The following COL23A1 variants were observed in gnomAD, a reference collection of about 807,000 sequenced individuals.
The protein encoded by COL23A1 is collagen alpha-1(XXIII) chain.
In COL23A1, 97 loss-of-function variants were observed where a neutral mutation model predicts 99.3. The ratio of observed to expected loss-of-function variants is 0.98; its 90% CI spans 0.83 to 1.16. The LOEUF is 1.16. COL23A1 is among the 50% of genes most tolerant of loss of function. The pLI is 0.00. For missense variants in COL23A1, 762 were observed against 757.4 expected (o/e 1.01, Z -0.07); for synonymous variants, 320 against 308.2 (o/e 1.04, Z -0.40).
chr5:178,472,956 C>A (rs773831274), intron 2 of COL23A1, among the ~76,000 whole-genome samples: 1 of 152,112 alleles, frequency 6.6e-6, no homozygotes, highest in Non-Finnish European at 1.5e-5. Context: ...GAGACTCTAT[C>A]TCTACAAAAA....
Position 178,237,704 on chromosome 5 carries a change from G to A in COL23A1, c.*994C>T, listed in dbSNP as rs1288608118. Reference sequence around the variant, plus strand: ...CAGCCAGGATGGAGCTGGTTGCTGGGAACACTTGCTGGAGGTGGAAAAGCC... The same window carrying A: ...CAGCCAGGATGGAGCTGGTTGCTGGAAACACTTGCTGGAGGTGGAAAAGCC... On this transcript the variant is annotated 3_prime_UTR_variant, in exon 29 of 29. Coordinates refer to ENST00000390654, the MANE Select transcript of COL23A1 (RefSeq NM_173465.4). 6.5e-6 allele frequency: 1 copy of A among 152,722 alleles called. No individual in the cohort carries two copies. Among genetic ancestry groups the A allele is most frequent in the African/African-American group, 2.4e-5 (1 of 41,476 alleles). The allele number at this position is 152,722 out of a possible 1,614,324, so 9.5% of individuals were successfully genotyped here.
intron 2 of COL23A1, among the ~76,000 whole-genome samples, chr5:178,488,440 T>C (rs1279640484): frequency 1.3e-5 from 2 of 152,136 alleles, no homozygotes; most frequent in African/African-American, 4.8e-5. Flanking sequence ...TTGTGGCACA[T>C]GAAGATTTCT....
At chr5:178,506,618 G>A (rs1758887895) in intron 2 of COL23A1, among the ~76,000 whole-genome samples, 1 of 152,192 alleles carries the variant, frequency 6.6e-6, no homozygotes, top group East Asian at 1.9e-4. Flanking sequence ...ATTATGTGTG[G>A]AATAAAGCAA....
chr5:178,394,557 C>A (rs374594899), intron 2 of COL23A1, among the ~76,000 whole-genome samples: 11 of 152,240 alleles, frequency 7.2e-5, no homozygotes, highest in African/African-American at 2.7e-4. Flanking sequence ...ATGGTGTTCA[C>A]AGCTAAACTG....
At position 178,306,874 on chromosome 5, in the gene COL23A1, C is replaced by A. The variant is rs940624377; in HGVS notation, c.406+1G>T. The A allele has an allele frequency of 1.3e-6, 2 of 1,534,510 alleles. No homozygotes were observed. Among genetic ancestry groups the A allele is most frequent in the Non-Finnish European group, 1.8e-6 (2 of 1,139,792 alleles). ...AGGAGCTGAGAAAACCTGGGACTCA[C>A]CAGGGTCGCCTCTTCTCCCAGGCTT... On this transcript the variant is annotated splice_donor_variant, in intron 3 of 28. Coordinates refer to ENST00000390654, the MANE Select transcript of COL23A1 (RefSeq NM_173465.4). LOFTEE classifies it high-confidence loss of function. The surrounding 1 kb of genome is among the most constrained non-coding windows in gnomAD (Gnocchi z 4.1).
chr5:178,463,355 T>A (rs56122991), intron 2 of COL23A1, among the ~76,000 whole-genome samples: 5,442 of 152,298 alleles, frequency 0.036, 363 homozygotes, highest in African/African-American at 0.12. Context: ...CTGAGAAAGG[T>A]CAAGATGTAT....
At chr5:178,239,281 C>A (rs946991190) in intron 27 of COL23A1, 102 bp from the exon 28 acceptor site, 3 of 1,360,098 alleles carry the variant, frequency 2.2e-6, no homozygotes, top group Non-Finnish European at 3.1e-6. Flanking sequence ...GGCCAGGGAG[C>A]GGCCATGTGA....
chr5:178,492,760 G>C (rs942715742), intron 2 of COL23A1, among the ~76,000 whole-genome samples: 7 of 151,922 alleles, frequency 4.6e-5, no homozygotes, highest in African/African-American at 1.7e-4. Context: ...TCACAACAGA[G>C]GCTCCTGAGA....
rs141810155 is a variant in COL23A1 at position 178,380,561 on chromosome 5, T to C, written c.362-73642A>G. Among the ~76,000 whole-genome samples, 156 of 152,376 alleles carry C rather than the reference T, an allele frequency of 1.0e-3. 1 individual carries two copies. The highest frequency in any genetic ancestry group is 6.8e-3 in the Middle Eastern group (2 of 294). On this transcript the variant is annotated intron_variant, in intron 2 of 28. Transcript: ENST00000390654. Reference sequence around the variant, plus strand: ...CAGTCGCAGTTGATTTCACTCATTATTCATTATTTTTAACAGAATGTATAC... The same window carrying C: ...CAGTCGCAGTTGATTTCACTCATTACTCATTATTTTTAACAGAATGTATAC...
At chr5:178,323,090 A>G (rs1289079132) in intron 2 of COL23A1, among the ~76,000 whole-genome samples, 1 of 152,000 alleles carries the variant, frequency 6.6e-6, no homozygotes, top group Non-Finnish European at 1.5e-5. Context: ...AGGGGGTCGC[A>G]AGTGGGCAGG....
In COL23A1 at chr5:178,254,938, A is replaced by G. The variant is rs1484109605; in HGVS notation, c.960+11T>C. 1 of 1,606,910 alleles carries G rather than the reference A, an allele frequency of 6.2e-7. No individual in the cohort carries two copies. The highest frequency in any genetic ancestry group is 8.5e-7 in the Non-Finnish European group (1 of 1,176,380). ...ATCTAAGGCACATCCTGGTCCCACCAGGAACACTACCTTGAGGGCATCCAA... is the reference window on the plus strand; with the variant it reads ...ATCTAAGGCACATCCTGGTCCCACCGGGAACACTACCTTGAGGGCATCCAA... On this transcript the variant is annotated intron_variant, in intron 16 of 28. Transcript: ENST00000390654.
chr5:178,469,270 A>G (rs955150491), intron 2 of COL23A1, among the ~76,000 whole-genome samples: 2 of 151,938 alleles, frequency 1.3e-5, no homozygotes, highest in African/African-American at 4.8e-5. Flanking sequence ...CTAGGAGGGG[A>G]CGAATTCCTA....
rs114892558 is a variant in COL23A1, at chr5:178,308,835, G to C, written c.362-1916C>G. 0.028 allele frequency among the ~76,000 whole-genome samples: 4,216 copies of C among 149,724 alleles called. 195 individuals are homozygous for C. The highest frequency in any genetic ancestry group is 0.098 in the African/African-American group (3,994 of 40,748). On this transcript the variant is annotated intron_variant, in intron 2 of 28. Transcript: ENST00000390654. The surrounding 1 kb of genome is among the most constrained non-coding windows in gnomAD (Gnocchi z 5.1). ...GGGCAGGTCAGCACTCTCGGGGGGG[G>C]CTTTCCTCCTCTCTGGGCCTGTTTT... is the stretch of plus-strand genomic sequence containing the variant.
chr5:178,311,983 G>A (rs757056849), intron 2 of COL23A1, among the ~76,000 whole-genome samples: 10 of 152,094 alleles, frequency 6.6e-5, no homozygotes, highest in East Asian at 1.9e-4. Flanking sequence ...CACCTGCCTC[G>A]GCCTCCCAAA....
intron 2 of COL23A1, among the ~76,000 whole-genome samples, chr5:178,491,223 C>T (rs374573974): frequency 2.9e-4 from 44 of 152,130 alleles, no homozygotes; most frequent in African/African-American, 1.0e-3. Flanking sequence ...TGTGTTGTTC[C>T]CAGAACTCAA....
At chr5:178,335,904 C>G (rs1760291630) in intron 2 of COL23A1, among the ~76,000 whole-genome samples, 1 of 152,332 alleles carries the variant, frequency 6.6e-6, no homozygotes, top group South Asian at 2.1e-4. Context: ...ATGTCTTTGC[C>G]AAGAATTCCA....
intron 25 of COL23A1, 81 bp downstream of exon 25, chr5:178,245,861 A>G (rs1279349186): frequency 1.3e-6 from 2 of 1,510,384 alleles, no homozygotes; most frequent in African/African-American, 2.7e-5. Context: ...ACACTTGAGT[A>G]GCCAGATCAG....
At chr5:178,245,050 C>T (rs1174402209) in intron 25 of COL23A1, among the ~76,000 whole-genome samples, 9 of 136,348 alleles carry the variant, frequency 6.6e-5, no homozygotes, top group Non-Finnish European at 6.2e-5. Flanking sequence ...CATCATCTAT[C>T]ATCCATCCAT....
intron 14 of COL23A1, 49 bp downstream of exon 14, chr5:178,256,817 A>T: frequency 6.4e-7 from 1 of 1,562,104 alleles, no homozygotes; most frequent in Non-Finnish European, 8.7e-7. Context: ...GACTGGGTGG[A>T]GGTCTGAGCG....
Sources: gnomAD v4.1 joint callset for allele counts (sites outside exome capture counted in the v4.1 genomes callset) on GRCh38, gnomAD v4.1.1 for gene constraint, Gnocchi (gnomAD v3.1) non-coding constraint, MANE v1.5 for transcripts, NCBI Gene and HGNC (gene_info 2026-07-23, HGNC 2026-07-21) for gene names.